The following TMEM232 variants were observed in gnomAD, a reference collection of about 807,000 sequenced individuals.
TMEM232 encodes transmembrane protein 232.
In TMEM232, 80 loss-of-function variants were observed where a neutral mutation model predicts 78.8. That is an observed-to-expected ratio of 1.01 (90% CI 0.85 to 1.22). The LOEUF is 1.22. TMEM232 is among the 50% of genes most tolerant of loss of function. TMEM232 has a pLI of 0.00. For synonymous variants in TMEM232, 297 were observed against 254.3 expected (o/e 1.17, Z -1.60); for missense variants, 881 against 742.2 (o/e 1.19, Z -2.17).
chr5:110,716,171 C>T (rs989287223), intron 1 of TMEM232, among the ~76,000 whole-genome samples: 1 of 152,014 alleles, frequency 6.6e-6, no homozygotes, highest in African/African-American at 2.4e-5. Context: ...GTGTCATGGG[C>T]CATGGGTACT....
chr5:110,494,944 C>A (rs1765485941), intron 12 of TMEM232, among the ~76,000 whole-genome samples: 1 of 151,418 alleles, frequency 6.6e-6, no homozygotes, highest in Non-Finnish European at 1.5e-5. Context: ...TATAAGTATT[C>A]TTACAAAAAT....
At chr5:110,647,879 T>C (rs1233242974) in intron 2 of TMEM232, among the ~76,000 whole-genome samples, 1 of 152,002 alleles carries the variant, frequency 6.6e-6, no homozygotes, top group Admixed American at 6.6e-5. Flanking sequence ...ACTATATCTA[T>C]AGTTAAATAT....
At chr5:110,645,114 G>A in intron 2 of TMEM232, among the ~76,000 whole-genome samples, 1 of 151,474 alleles carries the variant, frequency 6.6e-6, no homozygotes, top group Non-Finnish European at 1.5e-5. Context: ...AAAAGCCCAG[G>A]ACCAGGTGGT....
chr5:110,480,058 AAC>A (rs1763695732), intron 12 of TMEM232, among the ~76,000 whole-genome samples: 1 of 151,852 alleles, frequency 6.6e-6, no homozygotes, highest in Admixed American at 6.6e-5. Context: ...TCTTTGAAAT[AAC>A]TACTCATTAT....
chr5:110,635,351 C>T (rs761441409), intron 5 of TMEM232, among the ~76,000 whole-genome samples: 14 of 151,936 alleles, frequency 9.2e-5, no homozygotes, highest in Non-Finnish European at 2.1e-4. Flanking sequence ...CAGCGTTACC[C>T]TAATACCAAA....
chr5:110,621,247 T>C (rs1484359097), intron 7 of TMEM232, among the ~76,000 whole-genome samples: 1 of 152,138 alleles, frequency 6.6e-6, no homozygotes, highest in Non-Finnish European at 1.5e-5. Flanking sequence ...GTAATGATGA[T>C]GACTATGTGA....
chr5:110,576,286 T>C (rs1414793700), intron 10 of TMEM232, among the ~76,000 whole-genome samples: 2 of 151,930 alleles, frequency 1.3e-5, no homozygotes, highest in Admixed American at 6.6e-5. Flanking sequence ...CATTCACAAG[T>C]GTCACAAAAA....
At chr5:110,503,400 G>A (rs934720414) in intron 12 of TMEM232, among the ~76,000 whole-genome samples, 1 of 152,094 alleles carries the variant, frequency 6.6e-6, no homozygotes, top group African/African-American at 2.4e-5. Context: ...GCAGGTTTGG[G>A]TGAGAGGAAG....
At chr5:110,431,135 G>A (rs901992533) in intron 12 of TMEM232, among the ~76,000 whole-genome samples, 2 of 151,388 alleles carry the variant, frequency 1.3e-5, no homozygotes, top group Non-Finnish European at 3.0e-5. Context: ...CAAGAGAAGT[G>A]AGCACCACAC....
chr5:110,514,648 A>G (rs1768333412), intron 12 of TMEM232, among the ~76,000 whole-genome samples: 1 of 152,174 alleles, frequency 6.6e-6, no homozygotes, highest in Non-Finnish European at 1.5e-5. Context: ...ACATAGTCTG[A>G]AGGAGGCACA....
chr5:110,433,670 A>AT (rs1758099651), intron 12 of TMEM232, among the ~76,000 whole-genome samples: 1 of 151,932 alleles, frequency 6.6e-6, no homozygotes, highest in African/African-American at 2.4e-5. Context: ...TTGTTGAGAG[A>AT]TTTTTCATGA....
At chr5:110,641,052 T>A in intron 3 of TMEM232, 56 bp from the exon 4 acceptor site, 1 of 1,108,344 alleles carries the variant, frequency 9.0e-7, no homozygotes, top group South Asian at 1.9e-5. Context: ...TTTATATATA[T>A]ATTTATTTTT....
At chr5:110,569,404 T>A (rs1020351162) in intron 10 of TMEM232, among the ~76,000 whole-genome samples, 1 of 151,864 alleles carries the variant, frequency 6.6e-6, no homozygotes, top group Non-Finnish European at 1.5e-5. Flanking sequence ...TAGGTAGATT[T>A]GGGAGAAATA....
At chr5:110,393,423 T>G (rs1755274522) in intron 3 of TMEM232, among the ~76,000 whole-genome samples, 1 of 152,220 alleles carries the variant, frequency 6.6e-6, no homozygotes, top group African/African-American at 2.4e-5. Context: ...ATAATATTCC[T>G]TTCTCTGCTG....
chr5:110,602,858 A>G (rs1303718909), intron 10 of TMEM232, among the ~76,000 whole-genome samples: 1 of 152,192 alleles, frequency 6.6e-6, no homozygotes, highest in Non-Finnish European at 1.5e-5. Context: ...TTATTGCAGC[A>G]CTATTCACAA....
At chr5:110,550,721 T>C (rs1225646925) in intron 11 of TMEM232, among the ~76,000 whole-genome samples, 3 of 151,906 alleles carry the variant, frequency 2.0e-5, no homozygotes, top group African/African-American at 7.2e-5. Context: ...TAAATATCCA[T>C]GAATTACCTA....
At chr5:110,413,745 A>AAAAG (rs1445174545) in intron 2 of TMEM232, among the ~76,000 whole-genome samples, 1 of 152,202 alleles carries the variant, frequency 6.6e-6, no homozygotes, top group Admixed American at 6.5e-5. Flanking sequence ...CTTAAAACAG[A>AAAAG]AAAGATTTTC....
At position 110,528,594 on chromosome 5, in the gene TMEM232, G is replaced by A; in HGVS notation, c.1697C>T (p.Thr566Ile). The stretch of plus-strand genomic sequence containing the variant: ...CGATAGTACTTCTCTTTACCTTACA[G>A]TGAAATGTAGAACTTGCTTTTTCAC... ...ESVKKQVLHFTVREHPSVSEI... is the reference protein window; with the variant it reads ...ESVKKQVLHFIVREHPSVSEI... The change falls in exon 12 of 14, where the codon ACT (threonine) becomes ATT (isoleucine). Residue 566 changes from threonine to isoleucine, a missense_variant. Transcript: ENST00000455884. The A allele has an allele frequency of 3.3e-6, 5 of 1,529,258 alleles. No individual in the cohort carries two copies. In the South Asian group the frequency reaches 3.6e-5, roughly 11 times the overall value. 94.7% of individuals were successfully genotyped at this position (1,529,258 alleles called of 1,614,324 possible).
intron 8 of TMEM232, among the ~76,000 whole-genome samples, chr5:110,616,633 A>G (rs1227344794): frequency 6.6e-6 from 1 of 152,100 alleles, no homozygotes; most frequent in African/African-American, 2.4e-5. Flanking sequence ...CAATGAAAAA[A>G]TGGGTAAAGG....
Sources: gnomAD v4.1 joint callset for allele counts (sites outside exome capture counted in the v4.1 genomes callset) on GRCh38, gnomAD v4.1.1 for gene constraint, MANE v1.5 for transcripts, NCBI Gene and HGNC (gene_info 2026-07-23, HGNC 2026-07-21) for gene names.